MVK: variants seen among roughly 807,000 people sequenced by gnomAD.
The protein encoded by MVK is LH receptor mRNA-binding protein.
A neutral mutation model predicts 43.2 loss-of-function variants in MVK; 34 were observed. The ratio of observed to expected loss-of-function variants is 0.79; its 90% confidence interval spans 0.60 to 1.05. The LOEUF (loss-of-function observed/expected upper bound fraction) is 1.05. MVK is among the 50% of genes least tolerant of loss of function. MVK has a pLI of 0.00. For missense variants in MVK, 395 were observed against 504.0 expected (o/e 0.78, Z 2.07); for synonymous variants, 190 against 219.8 (o/e 0.86, Z 1.20).
rs1336340433 is a variant in MVK at position 109,591,103 on chromosome 12, C to T, written c.769-138C>T. On this transcript the variant is annotated intron_variant, in intron 8 of 10. Transcript: ENST00000228510. ...GCAGCTGGGAAGGCAAAAAAACAGGCTCAGAAGAGAGGTGGTTTCCCCAGA... is the reference window on the plus strand; with the variant it reads ...GCAGCTGGGAAGGCAAAAAAACAGGTTCAGAAGAGAGGTGGTTTCCCCAGA... The T allele has an allele frequency of 4.1e-6, 4 of 966,514 alleles. No homozygotes were observed. In the African/African-American group the frequency reaches 6.5e-5, roughly 16 times the overall value. 59.9% of individuals were successfully genotyped at this position (966,514 alleles called of 1,614,324 possible).
chr12:109,589,324 C>T (rs1189995347), intron 7 of MVK: 2 of 152,242 alleles, frequency 1.3e-5, no homozygotes, highest in Non-Finnish European at 2.9e-5. Context: ...TGGAGCAAAC[C>T]AACCTTTGCT....
intron 9 of MVK, 156 bp downstream of exon 9, chr12:109,591,513 T>C (rs1303919821): frequency 1.4e-6 from 1 of 729,462 alleles, no homozygotes. Context: ...CCCAGGTCTG[T>C]GCGTGCCATA....
intron 2 of MVK, 77 bp from the exon 3 acceptor site, chr12:109,575,921 C>T (rs1884928470): frequency 1.3e-6 from 2 of 1,563,126 alleles, no homozygotes; most frequent in South Asian, 1.1e-5. Flanking sequence ...CTTATGTTTG[C>T]TCTCTTCTTA....
Position 109,590,804 on chromosome 12 carries a change from C to G in MVK, c.711C>G (p.Thr237=). The change falls in exon 8 of 11, where the codon ACC becomes ACG. Residue 237 remains threonine, a synonymous_variant. Coordinates refer to ENST00000228510, the MANE Select transcript of MVK (RefSeq NM_000431.4). The part of the protein sequence containing the change: ...SPALQILLTN[T]KVPRNTRALV... ...CTCTCCAGATCCTGCTGACCAACAC[C>G]AAAGTCCCTCGCAATACCAGGGCCC... The G allele has an allele frequency of 6.2e-7, 1 of 1,614,192 alleles. No individual in the cohort carries two copies. The highest frequency in any genetic ancestry group is 8.5e-7 in the Non-Finnish European group (1 of 1,180,040).
chr12:109,573,464 A>G (rs1485879857), upstream of MVK: 3 of 1,605,910 alleles, frequency 1.9e-6, no homozygotes, highest in Admixed American at 3.4e-5. Context: ...ACGGCTCCCC[A>G]GGCCGCACAC....
chr12:109,573,366 C>T (rs1355023968), upstream of MVK: 1 of 1,613,204 alleles, frequency 6.2e-7, no homozygotes. Flanking sequence ...TCTTCCACGC[C>T]CTGAGGGCCG....
Position 109,595,933 on chromosome 12 carries a change from A to G in MVK, c.1040-493A>G, listed in dbSNP as rs1885898268. ...CTCCCAGGCCTCAGGAGGTGGCCAC[A>G]TCCTCACTCCAGCCAACCCCAACTG... On this transcript the variant is annotated intron_variant, in intron 10 of 10. Transcript: ENST00000228510. The surrounding 1 kb of genome is among the most constrained non-coding windows in gnomAD (Gnocchi z 5.9). Among the ~76,000 whole-genome samples, 1 of 152,106 alleles carries G rather than the reference A, an allele frequency of 6.6e-6. No individual in the cohort carries two copies. The highest frequency in any genetic ancestry group is 6.5e-5 in the Admixed American group (1 of 15,280).
At position 109,596,480 on chromosome 12, in the gene MVK, T is replaced by G; in HGVS notation, c.1094T>G (p.Phe365Cys). ...ATKQALTSCG[F>C]DCLETSIGAP... ...AAGCAGGCCCTGACCAGCTGTGGCT[T>G]TGACTGCTTGGAAACCAGCATCGGT... Residue 365 changes from phenylalanine to cysteine, a missense_variant, in exon 11 of 11, where the codon TTT (phenylalanine) becomes TGT (cysteine). By Grantham distance (205) the Phe-to-Cys change is radical. Coordinates refer to ENST00000228510, the MANE Select transcript of MVK (RefSeq NM_000431.4). 6.2e-7 allele frequency: 1 copy of G among 1,613,690 alleles called. No homozygotes were observed. Among genetic ancestry groups the G allele is most frequent in the Non-Finnish European group, 8.5e-7 (1 of 1,179,960 alleles).
rs1566153793 is a variant in MVK at position 109,596,482 on chromosome 12, G to C, written c.1096G>C (p.Asp366His). ...TKQALTSCGFDCLETSIGAPG... is the reference protein window; with the variant it reads ...TKQALTSCGFHCLETSIGAPG... ...GCAGGCCCTGACCAGCTGTGGCTTTGACTGCTTGGAAACCAGCATCGGTGC... is the reference window on the plus strand; with the variant it reads ...GCAGGCCCTGACCAGCTGTGGCTTTCACTGCTTGGAAACCAGCATCGGTGC... The change falls in exon 11 of 11, where the codon GAC becomes CAC. Residue 366 changes from aspartate (D) to histidine (H), a missense_variant. Transcript: ENST00000228510. 1 of 1,613,602 alleles carries C rather than the reference G, an allele frequency of 6.2e-7. No individual in the cohort carries two copies. Among genetic ancestry groups the C allele is most frequent in the Non-Finnish European group, 8.5e-7 (1 of 1,179,952 alleles).
At chr12:109,586,922 T>C (rs1248562201) in intron 7 of MVK, 123 bp downstream of exon 7, 1 of 1,191,452 alleles carries the variant, frequency 8.4e-7, no homozygotes, top group African/African-American at 1.5e-5. Flanking sequence ...TCCCCCAATG[T>C]GGCCCTCACA....
intron 9 of MVK, among the ~76,000 whole-genome samples, chr12:109,592,063 G>A (rs986485987): frequency 4.6e-5 from 7 of 152,192 alleles, no homozygotes; most frequent in Non-Finnish European, 8.8e-5. Flanking sequence ...GGGCAATGTG[G>A]TGAAACTCTG....
chr12:109,586,900 C>A, intron 7 of MVK, 101 bp downstream of exon 7: 1 of 1,428,712 alleles, frequency 7.0e-7, no homozygotes, highest in Non-Finnish European at 9.7e-7. Flanking sequence ...GGCAGGTGTC[C>A]CTGGCTCTTC....
rs1275667097 is a variant in MVK at position 109,597,441 on chromosome 12, C to T, written c.*864C>T. ...GCTGGAGAGGGACTGGGACACGGCT[C>T]TCAGTCCATCAGCACAACTCTAGGC... On this transcript the variant is annotated 3_prime_UTR_variant, in exon 11 of 11. Coordinates refer to ENST00000228510, the MANE Select transcript of MVK (RefSeq NM_000431.4). 2 of 152,322 alleles carry T rather than the reference C, an allele frequency of 1.3e-5. No individual in the cohort carries two copies. The highest frequency in any genetic ancestry group is 2.9e-5 in the Non-Finnish European group (2 of 68,174). 9.4% of individuals were successfully genotyped at this position (152,322 alleles called of 1,614,324 possible).
intron 6 of MVK, among the ~76,000 whole-genome samples, chr12:109,586,536 G>A (rs985773363): frequency 6.6e-6 from 1 of 152,186 alleles, no homozygotes; most frequent in Admixed American, 6.5e-5. Flanking sequence ...GGAGGGAGGG[G>A]GACCCAGGAA....
intron 4 of MVK, 40 bp downstream of exon 4, chr12:109,579,986 C>A: frequency 6.2e-7 from 1 of 1,613,678 alleles, no homozygotes. Flanking sequence ...GATTCAGCCT[C>A]CCATGGAGAA....
At chr12:109,596,326 G>C in intron 10 of MVK, 100 bp from the exon 11 acceptor site, 1 of 1,513,664 alleles carries the variant, frequency 6.6e-7, no homozygotes, top group Non-Finnish European at 8.9e-7. Flanking sequence ...TCACAGCCAG[G>C]AAGGCACAGC....
At chr12:109,593,284 T>C (rs891133983) in intron 9 of MVK, among the ~76,000 whole-genome samples, 4 of 152,156 alleles carry the variant, frequency 2.6e-5, no homozygotes, top group Admixed American at 6.5e-5. Context: ...TCAAAAATGG[T>C]GAGCTTGGCG....
At chr12:109,586,702 A>G in intron 6 of MVK, 52 bp from the exon 7 acceptor site, 1 of 1,603,010 alleles carries the variant, frequency 6.2e-7, no homozygotes. Context: ...CCCAAGTAGC[A>G]CAGATATGTT....
In MVK at chr12:109,597,053, C is replaced by T; in HGVS notation, c.*476C>T. The T allele has an allele frequency of 4.4e-6, 1 of 228,732 alleles. No individual in the cohort carries two copies. The highest frequency in any genetic ancestry group is 5.8e-5 in the South Asian group (1 of 17,132). The allele number at this position is 228,732 out of a possible 1,614,324, so 14.2% of individuals were successfully genotyped here. On this transcript the variant is annotated 3_prime_UTR_variant, in exon 11 of 11. Transcript: ENST00000228510. Reference sequence around the variant, plus strand: ...CTTCCCCTACCCCTTGTCGCCCCTCCCTCCCAGAGCACCTGCTGTCTGGGT... The same window carrying T: ...CTTCCCCTACCCCTTGTCGCCCCTCTCTCCCAGAGCACCTGCTGTCTGGGT...
Sources: gnomAD v4.1 joint callset for allele counts (sites outside exome capture counted in the v4.1 genomes callset) on GRCh38, gnomAD v4.1.1 for gene constraint, Gnocchi (gnomAD v3.1) non-coding constraint, MANE v1.5 for transcripts, NCBI Gene and HGNC (gene_info 2026-07-23, HGNC 2026-07-21) for gene names.